SLC24A3: variants seen among roughly 807,000 people sequenced by gnomAD.
SLC24A3 encodes sodium/potassium/calcium exchanger 3.
A neutral mutation model predicts 75.8 loss-of-function variants in SLC24A3; 28 were observed. The observed-to-expected ratio is 0.37, with a 90% CI of 0.27 to 0.51. The LOEUF (loss-of-function observed/expected upper bound fraction) is 0.51, where lower values mean the gene tolerates loss of function less well. Among genes scored for constraint, SLC24A3 ranks in the 20% least tolerant of loss-of-function variants. SLC24A3 has a pLI of 0.94. For missense variants in SLC24A3, 663 were observed against 847.8 expected (o/e 0.78, Z 2.71); for synonymous variants, 372 against 334.1 (o/e 1.11, Z -1.24).
At chr20:19,304,051 G>C (rs956302857) in intron 2 of SLC24A3, among the ~76,000 whole-genome samples, 8 of 152,166 alleles carry the variant, frequency 5.3e-5, no homozygotes, top group African/African-American at 1.9e-4. Context: ...AGCCATTTCT[G>C]TCTTTGGTTA....
At chr20:19,497,618 G>A (rs1006639310) in intron 2 of SLC24A3, among the ~76,000 whole-genome samples, 11 of 152,164 alleles carry the variant, frequency 7.2e-5, no homozygotes, top group Middle Eastern at 6.8e-3. Context: ...ACTAAACCAC[G>A]TCTAATGTTG....
At chr20:19,453,048 G>A (rs902394485) in intron 2 of SLC24A3, among the ~76,000 whole-genome samples, 28 of 152,104 alleles carry the variant, frequency 1.8e-4, no homozygotes, top group African/African-American at 6.5e-4. Flanking sequence ...CTGCGTGGTG[G>A]CGGGCGCCTG....
chr20:19,333,597 T>C (rs1303652379), intron 2 of SLC24A3, among the ~76,000 whole-genome samples: 2 of 152,042 alleles, frequency 1.3e-5, no homozygotes, highest in Non-Finnish European at 2.9e-5. Context: ...GCAAACAATA[T>C]GTTACTGGTG....
At chr20:19,623,881 A>G (rs2031835759) in intron 6 of SLC24A3, among the ~76,000 whole-genome samples, 1 of 152,192 alleles carries the variant, frequency 6.6e-6, no homozygotes, top group South Asian at 2.1e-4. Context: ...TAAGCTACAT[A>G]CCAACAGCAC....
chr20:19,520,295 T>C (rs1316782498), intron 3 of SLC24A3, among the ~76,000 whole-genome samples: 1 of 152,168 alleles, frequency 6.6e-6, no homozygotes, highest in Non-Finnish European at 1.5e-5. Context: ...AGATGTCCCA[T>C]AGGAAACTTG....
intron 4 of SLC24A3, 111 bp from the exon 5 acceptor site, chr20:19,584,860 G>C: frequency 1.1e-6 from 1 of 917,138 alleles, no homozygotes; most frequent in Non-Finnish European, 1.7e-6. Flanking sequence ...TCCTACTCTC[G>C]CTGAAGCCCC....
At chr20:19,376,437 G>A (rs1000733167) in intron 2 of SLC24A3, among the ~76,000 whole-genome samples, 6 of 152,278 alleles carry the variant, frequency 3.9e-5, no homozygotes, top group South Asian at 2.1e-4. Flanking sequence ...TGAGGCTTCC[G>A]AGTCATCTCC....
chr20:19,548,539 T>A (rs1212585002), intron 3 of SLC24A3, among the ~76,000 whole-genome samples: 1 of 152,188 alleles, frequency 6.6e-6, no homozygotes, highest in Non-Finnish European at 1.5e-5. Flanking sequence ...ATTTATCATC[T>A]CAGATGTCAG....
intron 9 of SLC24A3, 49 bp downstream of exon 9, chr20:19,673,703 C>A: frequency 6.7e-7 from 1 of 1,497,082 alleles, no homozygotes; most frequent in Non-Finnish European, 9.3e-7. Flanking sequence ...TTGCATTCCA[C>A]ATTATGTGAT....
intron 3 of SLC24A3, among the ~76,000 whole-genome samples, chr20:19,553,958 G>A (rs1568654336): frequency 6.6e-6 from 1 of 152,134 alleles, no homozygotes; most frequent in African/African-American, 2.4e-5. Flanking sequence ...GTCAAAAGGA[G>A]GAAAACGATT....
chr20:19,450,569 G>A (rs1987463470), intron 2 of SLC24A3, among the ~76,000 whole-genome samples: 1 of 152,154 alleles, frequency 6.6e-6, no homozygotes, highest in Non-Finnish European at 1.5e-5. Context: ...CTAATTTCTT[G>A]AGGATAGTGG....
intron 6 of SLC24A3, among the ~76,000 whole-genome samples, chr20:19,587,599 G>A (rs896194639): frequency 7.9e-5 from 12 of 152,178 alleles, no homozygotes; most frequent in African/African-American, 2.9e-4. Flanking sequence ...TCCAGCTCAG[G>A]GTTTTGTAGG....
At chr20:19,546,084 G>A (rs1600274862) in intron 3 of SLC24A3, among the ~76,000 whole-genome samples, 1 of 147,564 alleles carries the variant, frequency 6.8e-6, no homozygotes, top group African/African-American at 2.5e-5. Context: ...GCGTGAACCC[G>A]GGAGGCAGAG....
intron 6 of SLC24A3, among the ~76,000 whole-genome samples, chr20:19,595,894 A>G (rs2031445762): frequency 6.6e-6 from 1 of 152,198 alleles, no homozygotes; most frequent in Non-Finnish European, 1.5e-5. Context: ...AACTCCAATC[A>G]AGATCTAGGA....
Position 19,720,994 on chromosome 20 carries a change from T to C in SLC24A3, c.1789T>C (p.Phe597Leu). 6.2e-7 allele frequency: 1 copy of C among 1,613,726 alleles called. No individual in the cohort carries two copies. Among genetic ancestry groups the C allele is most frequent in the Non-Finnish European group, 8.5e-7 (1 of 1,179,920 alleles). The change falls in exon 17 of 17, where the codon TTC becomes CTC. Residue 597 changes from phenylalanine (F) to leucine (L), a missense_variant. By Grantham distance (22) the Phe-to-Leu change is conservative. Coordinates refer to ENST00000328041, the MANE Select transcript of SLC24A3 (RefSeq NM_020689.4). ...GAACCTGTTCTGTGCCCTGCAGGTG[T>C]TCGGCGTCCACCTGAACAAGTGGCA... Reference protein sequence around the residue: ...LLLASVFVTVFGVHLNKWQLD... With the variant: ...LLLASVFVTVLGVHLNKWQLD...
intron 12 of SLC24A3, 51 bp from the exon 13 acceptor site, chr20:19,693,208 G>C: frequency 3.8e-6 from 6 of 1,559,398 alleles, no homozygotes; most frequent in Non-Finnish European, 5.2e-6. Flanking sequence ...GCTAACTGGG[G>C]TTCTTTGTTA....
intron 2 of SLC24A3, among the ~76,000 whole-genome samples, chr20:19,440,894 G>GATACCGACGGACTGTTTT (rs1374928395): frequency 3.3e-5 from 5 of 152,098 alleles, no homozygotes; most frequent in Non-Finnish European, 5.9e-5. Flanking sequence ...GGTGCATTTG[G>GATACCGACGGACTGTTTT]ATACCGACGG....
chr20:19,383,899 C>T (rs1283426669), intron 2 of SLC24A3, among the ~76,000 whole-genome samples: 2 of 152,190 alleles, frequency 1.3e-5, no homozygotes, highest in African/African-American at 4.8e-5. Context: ...AAACGCCCAT[C>T]TCCTAACACC....
chr20:19,234,973 G>A (rs1365332735), intron 1 of SLC24A3, among the ~76,000 whole-genome samples: 3 of 152,182 alleles, frequency 2.0e-5, no homozygotes, highest in Non-Finnish European at 4.4e-5. Flanking sequence ...AGAAGCTGTT[G>A]GCATTGTTTC....
Sources: allele counts gnomAD v4.1 joint callset (sites outside exome capture counted in the v4.1 genomes callset), GRCh38; gene constraint gnomAD v4.1.1; transcripts MANE v1.5; gene names NCBI Gene and HGNC (gene_info 2026-07-23, HGNC 2026-07-21).